AKAP9: variants seen among roughly 807,000 people sequenced by gnomAD.
The protein encoded by AKAP9 is A-kinase anchoring protein 9, also known as A-kinase anchor protein 9.
AKAP9 carries 311 observed loss-of-function variants against 488.5 expected under a neutral mutation model. The ratio of observed to expected loss-of-function variants is 0.64; its 90% CI spans 0.58 to 0.70. AKAP9 has a LOEUF of 0.70. Among genes scored for constraint, AKAP9 ranks in the 30% least tolerant of loss-of-function variants. AKAP9 has a pLI of 0.00. For synonymous variants in AKAP9, 1,462 were observed against 1,483.5 expected, an observed-to-expected ratio of 0.99 and a Z score of 0.33; for missense variants, 4,215 against 4,374.5, an observed-to-expected ratio of 0.96 and a Z score of 1.03.
rs144287689 is a variant in AKAP9, at chr7:92,082,477, A to AT, written c.8020-37dup. On this transcript the variant is annotated intron_variant, in intron 31 of 49. Coordinates refer to ENST00000356239, the MANE Select transcript of AKAP9 (RefSeq NM_005751.5). ...GTATAAGAGCCTTGAATTTAGCTAT[A>AT]TTTTTTTTAAATTATGTGTTTCTTG... 15,161 of 1,595,000 alleles carry AT rather than the reference A, an allele frequency of 9.5e-3. 87 individuals carry two copies. Among genetic ancestry groups the AT allele is most frequent in the Non-Finnish European group, 0.012 (13,501 of 1,164,760 alleles).
chr7:91,992,506 G>A (rs1047665034), intron 4 of AKAP9, among the ~76,000 whole-genome samples: 3 of 151,654 alleles, frequency 2.0e-5, no homozygotes, highest in African/African-American at 7.3e-5. Flanking sequence ...TCTACTATAA[G>A]TACAAAAATT....
At position 92,084,906 on chromosome 7, in the gene AKAP9, A is replaced by C. The variant is rs974881166; in HGVS notation, c.8798A>C (p.Glu2933Ala). Reference sequence around the variant, plus strand: ...TCAGAAGGCCGAGGAGAAGAAAGTGAAAGTGCAACAGATTCCTTTCCAAAG... The same window carrying C: ...TCAGAAGGCCGAGGAGAAGAAAGTGCAAGTGCAACAGATTCCTTTCCAAAG... ...IASEGRGEES[E>A]SATDSFPKKI... Residue 2933 changes from glutamate (E) to alanine (A), a missense_variant, in exon 35 of 50, where the codon GAA becomes GCA. Physicochemically the swap from Glu to Ala is moderately radical, Grantham distance 107. This residue lies in a region of AKAP9 where 1,476 missense variants were observed against 1,477.4 expected (regional missense o/e 1.00). Coordinates refer to ENST00000356239, the MANE Select transcript of AKAP9 (RefSeq NM_005751.5). The C allele has an allele frequency of 1.2e-5, 19 of 1,613,438 alleles. No homozygotes were observed. Among genetic ancestry groups the C allele is most frequent in the Admixed American group, 1.7e-5 (1 of 59,984 alleles).
At chr7:92,041,864 T>A in intron 18 of AKAP9, 182 bp from the exon 19 acceptor site, 1 of 595,224 alleles carries the variant, frequency 1.7e-6, no homozygotes. Flanking sequence ...AATTGGCTTT[T>A]AAAAAATATT....
chr7:91,948,605 C>CTTTTTTTTTTTTT (rs55928500), intron 1 of AKAP9, among the ~76,000 whole-genome samples: 1 of 107,562 alleles, frequency 9.3e-6, no homozygotes, highest in Non-Finnish European at 1.8e-5. Context: ...TTGTAGATTT[C>CTTTTTTTTTTTTT]TTTTTTTTTT....
intron 22 of AKAP9, chr7:92,058,362 G>A (rs1393798328): frequency 5.3e-6 from 3 of 566,186 alleles, no homozygotes; most frequent in Non-Finnish European, 7.1e-6. Context: ...AAAAGAAACG[G>A]GCATATATTA....
chr7:92,062,971 A>G lies in AKAP9; in HGVS notation c.5977+485A>G, dbSNP rs200586576. Reference sequence around the variant, plus strand: ...CTAGTTTAATGTAGTAGGAATTCAAATAATACTTAAATGTTTAAGTAACCT... The same window carrying G: ...CTAGTTTAATGTAGTAGGAATTCAAGTAATACTTAAATGTTTAAGTAACCT... On this transcript the variant is annotated intron_variant, in intron 24 of 49. Coordinates refer to ENST00000356239, the MANE Select transcript of AKAP9 (RefSeq NM_005751.5). Among the ~76,000 whole-genome samples the G allele has an allele frequency of 2.6e-5, 4 of 152,346 alleles. No individual in the cohort carries two copies. In the East Asian group the frequency reaches 7.7e-4, roughly 29 times the overall value.
intron 1 of AKAP9, among the ~76,000 whole-genome samples, chr7:91,952,896 T>C (rs1175890456): frequency 6.6e-6 from 1 of 152,156 alleles, no homozygotes; most frequent in East Asian, 1.9e-4. Context: ...CATAGGTCAT[T>C]GCAGCCTTGA....
In AKAP9 at chr7:92,012,458, A is replaced by G. The variant is rs1800885226; in HGVS notation, c.3348A>G (p.Gln1116=). The change falls in exon 9 of 50, where the codon CAA becomes CAG. Residue 1116 remains glutamine, a synonymous_variant. Coordinates refer to ENST00000356239, the MANE Select transcript of AKAP9 (RefSeq NM_005751.5). ...ATTTAAGGCTACAGATGGAAGCCCA[A>G]CGCATTTGCCTCTCTCTGGTTTATT... is the stretch of plus-strand genomic sequence containing the variant. The part of the protein sequence containing the change: ...QNDLRLQMEA[Q]RICLSLVYST... The G allele has an allele frequency of 6.2e-7, 1 of 1,614,068 alleles. No individual in the cohort carries two copies. Among genetic ancestry groups the G allele is most frequent in the African/African-American group, 1.3e-5 (1 of 75,068 alleles).
At chr7:92,057,576 T>C (rs948204828) in intron 22 of AKAP9, 2 of 185,214 alleles carry the variant, frequency 1.1e-5, no homozygotes, top group Non-Finnish European at 2.3e-5. Flanking sequence ...CTAGAATCCT[T>C]TGGCTCAGCA....
At chr7:92,032,518 T>C (rs554834784) in intron 16 of AKAP9, among the ~76,000 whole-genome samples, 100 of 151,134 alleles carry the variant, frequency 6.6e-4, no homozygotes, top group Non-Finnish European at 1.0e-3. Flanking sequence ...AAAAAAGATA[T>C]ATGTATATAT....
chr7:91,980,409 A>G (rs1796240804), intron 3 of AKAP9, 76 bp downstream of exon 3: 2 of 648,398 alleles, frequency 3.1e-6, no homozygotes, highest in Non-Finnish European at 4.7e-6. Flanking sequence ...GATTGTTGCT[A>G]CTTGATTTCT....
chr7:91,979,674 C>A (rs1796142929), intron 2 of AKAP9, among the ~76,000 whole-genome samples: 1 of 152,176 alleles, frequency 6.6e-6, no homozygotes, highest in Admixed American at 6.5e-5. Context: ...TACTTGAACA[C>A]AAGCACTGCA....
intron 14 of AKAP9, among the ~76,000 whole-genome samples, 199 bp downstream of exon 14, chr7:92,023,208 G>A (rs1320016043): frequency 6.6e-6 from 1 of 152,146 alleles, no homozygotes; most frequent in African/African-American, 2.4e-5. Context: ...GTAAACCAAA[G>A]ACATTATAGG....
intron 1 of AKAP9, among the ~76,000 whole-genome samples, chr7:91,941,517 G>A (rs946011159): frequency 2.0e-5 from 3 of 152,076 alleles, no homozygotes; most frequent in Admixed American, 6.5e-5. Flanking sequence ...GCTTTCCAGG[G>A]TGGGGATTTA....
At chr7:92,017,927 C>T (rs1323505388) in intron 12 of AKAP9, among the ~76,000 whole-genome samples, 1 of 152,116 alleles carries the variant, frequency 6.6e-6, no homozygotes, top group Non-Finnish European at 1.5e-5. Context: ...TTGGTTTCAT[C>T]TCTTATTTTC....
Position 92,012,964 on chromosome 7 carries a change from G to C in AKAP9, c.3532+322G>C, listed in dbSNP as rs925490620. ...GTAGGGTGAGGTGGTAGACAGTGGT[G>C]GGGTTGGAATTTTTTTTTTTTTTTT... On this transcript the variant is annotated intron_variant, in intron 9 of 49. Transcript: ENST00000356239. 1.5e-4 allele frequency among the ~76,000 whole-genome samples: 22 copies of C among 146,908 alleles called. No homozygotes were observed. The South Asian group carries it at 4.8e-3, about 32-fold the overall frequency.
At chr7:92,107,626 G>A (rs1356889098) in intron 48 of AKAP9, 3 of 510,542 alleles carry the variant, frequency 5.9e-6, no homozygotes, top group African/African-American at 5.8e-5. Flanking sequence ...CATGAGGTCA[G>A]GAGTTCAAGA....
Position 92,097,777 on chromosome 7 carries a change from C to A in AKAP9, c.10590C>A (p.Pro3530=). Residue 3530 remains proline (P), a synonymous_variant, in exon 42 of 50, where the codon CCC becomes CCA. Coordinates refer to ENST00000356239, the MANE Select transcript of AKAP9 (RefSeq NM_005751.5). ...QCVASKLQVL[P]QKASERLQFE... Reference sequence around the variant, plus strand: ...TAGCTTCAAAACTACAGGTTCTACCCCAGAAAGCCTCTGAGAGGTTAGACT... The same window carrying A: ...TAGCTTCAAAACTACAGGTTCTACCACAGAAAGCCTCTGAGAGGTTAGACT... 6.2e-7 allele frequency: 1 copy of A among 1,614,100 alleles called. No individual in the cohort carries two copies. The highest frequency in any genetic ancestry group is 8.5e-7 in the Non-Finnish European group (1 of 1,180,006).
At chr7:91,992,062 A>C in intron 3 of AKAP9, 96 bp from the exon 4 acceptor site, 1 of 1,018,484 alleles carries the variant, frequency 9.8e-7, no homozygotes, top group Non-Finnish European at 1.6e-6. Flanking sequence ...CCCTAGGAAT[A>C]AAAGACATAC....
Sources: allele counts gnomAD v4.1 joint callset (sites outside exome capture counted in the v4.1 genomes callset), GRCh38; gene constraint gnomAD v4.1.1; regional missense constraint gnomAD v4.1.1; transcripts MANE v1.5; gene names NCBI Gene and HGNC (gene_info 2026-07-23, HGNC 2026-07-21).